Variants in CHLSN observed in about 807,000 individuals in gnomAD.
CHLSN encodes the protein cholesin, also known as protein cholesin.
the CHLSN span, among the ~76,000 whole-genome samples, chr7:1,070,010 G>C: frequency 8.8e-6 from 1 of 113,910 alleles, no homozygotes; most frequent in African/African-American, 3.7e-5. Context: ...CGCCCCATCT[G>C]GGATGTGAGG....
At chr7:1,053,279 C>T in the CHLSN span, among the ~76,000 whole-genome samples, 5 of 152,390 alleles carry the variant, frequency 3.3e-5, no homozygotes, top group South Asian at 1.0e-3. Flanking sequence ...CCCAGGCCAT[C>T]CCCCTCACTC....
At chr7:1,006,150 C>T in the CHLSN span, among the ~76,000 whole-genome samples, 1 of 152,254 alleles carries the variant, frequency 6.6e-6, no homozygotes, top group Non-Finnish European at 1.5e-5. Flanking sequence ...CCCAGAGACC[C>T]ACAGAAAGTG....
chr7:1,050,175 C>A, the CHLSN span, among the ~76,000 whole-genome samples: 329 of 152,368 alleles, frequency 2.2e-3, 1 homozygote, highest in Non-Finnish European at 2.9e-3. Context: ...CACCACTGGG[C>A]ACCCTGTCCT....
At chr7:1,013,870 G>A in the CHLSN span, among the ~76,000 whole-genome samples, 2 of 152,202 alleles carry the variant, frequency 1.3e-5, no homozygotes, top group Non-Finnish European at 2.9e-5. Context: ...AAAAATTCCA[G>A]CCACACATTC....
chr7:1,105,352 T>C, the CHLSN span, among the ~76,000 whole-genome samples: 1 of 152,234 alleles, frequency 6.6e-6, no homozygotes, highest in South Asian at 2.1e-4. Context: ...CGGCCGGCTG[T>C]GGAACAGGCT....
the CHLSN span, among the ~76,000 whole-genome samples, chr7:1,136,083 A>G: frequency 1.7e-5 from 2 of 116,098 alleles, no homozygotes; most frequent in Non-Finnish European, 3.2e-5. Context: ...AGTATATATA[A>G]ATTTATATAA....
At chr7:1,112,672 T>C in the CHLSN span, among the ~76,000 whole-genome samples, 1 of 148,896 alleles carries the variant, frequency 6.7e-6, no homozygotes, top group Non-Finnish European at 1.5e-5. Context: ...TCGGCTGTCC[T>C]CTTCGAAACG....
chr7:1,073,561 A>G, the CHLSN span, among the ~76,000 whole-genome samples: 1 of 151,934 alleles, frequency 6.6e-6, no homozygotes, highest in Non-Finnish European at 1.5e-5. Flanking sequence ...TCCCCAGCCC[A>G]TATTTGGTTC....
chr7:1,081,524 G>A, the CHLSN span, among the ~76,000 whole-genome samples: 1 of 152,252 alleles, frequency 6.6e-6, no homozygotes, highest in East Asian at 1.9e-4. Context: ...CTGGACTGGA[G>A]CCAGAAAGCC....
the CHLSN span, chr7:1,080,858 GTGGGCTGAGAGCCGCT>G: frequency 6.6e-6 from 1 of 152,466 alleles, no homozygotes; most frequent in East Asian, 1.9e-4. Flanking sequence ...GTGAGAGAGG[GTGGGCTGAGAGCCGCT>G]TGGCCTGGGC....
At chr7:986,553 C>T in the CHLSN span, 24 of 1,553,388 alleles carry the variant, frequency 1.5e-5, no homozygotes, top group East Asian at 4.5e-5. Context: ...CCGCTGGGGA[C>T]GATCACCGCC....
the CHLSN span, among the ~76,000 whole-genome samples, chr7:1,084,765 C>G: frequency 6.6e-6 from 1 of 152,244 alleles, no homozygotes. Context: ...CGGTATCACA[C>G]AGCACGTGGG....
At chr7:1,039,125 C>CA in the CHLSN span, among the ~76,000 whole-genome samples, 1 of 44,200 alleles carries the variant, frequency 2.3e-5, no homozygotes. Flanking sequence ...TCTGCCCGGC[C>CA]GCCCCTACTG....
chr7:983,613 C>G, the CHLSN span, among the ~76,000 whole-genome samples: 1 of 152,218 alleles, frequency 6.6e-6, no homozygotes, highest in Admixed American at 6.5e-5. Flanking sequence ...AGGTGCCACC[C>G]AGGGCCCGGC....
At chr7:983,121 G>A in the CHLSN span, 1 of 1,132,094 alleles carries the variant, frequency 8.8e-7, no homozygotes. Flanking sequence ...TGGGGTGGGT[G>A]GGGTGCGGGC....
At chr7:1,072,058 T>A in the CHLSN span, among the ~76,000 whole-genome samples, 1 of 152,082 alleles carries the variant, frequency 6.6e-6, no homozygotes, top group African/African-American at 2.4e-5. Flanking sequence ...GCGCTCAGGA[T>A]GGAAGAGCCC....
chr7:1,018,828 G>C, the CHLSN span, among the ~76,000 whole-genome samples: 2 of 152,120 alleles, frequency 1.3e-5, no homozygotes, highest in Non-Finnish European at 1.5e-5. Flanking sequence ...TTCTACCTCG[G>C]GGGTGGGTGA....
chr7:1,136,497 T>C, the CHLSN span, among the ~76,000 whole-genome samples: 1 of 107,250 alleles, frequency 9.3e-6, no homozygotes, highest in Non-Finnish European at 1.7e-5. Context: ...TATAAACATA[T>C]AAATATATAT....
chr7:1,018,391 T>C, the CHLSN span, among the ~76,000 whole-genome samples: 1 of 152,250 alleles, frequency 6.6e-6, no homozygotes, highest in South Asian at 2.1e-4. Flanking sequence ...AAAGTCCGCC[T>C]GGCTCCGGCC....
Sources: gnomAD v4.1 joint callset for allele counts (sites outside exome capture counted in the v4.1 genomes callset) on GRCh38, gnomAD v4.1.1 for gene constraint, MANE v1.5 for transcripts, NCBI Gene and HGNC (gene_info 2026-07-23, HGNC 2026-07-21) for gene names.